FHIT: variants seen among roughly 807,000 people sequenced by gnomAD.
FHIT encodes the protein bis(5'-adenosyl)-triphosphatase.
FHIT carries 19 observed loss-of-function variants against 17.9 expected under a neutral mutation model. The ratio of observed to expected loss-of-function variants is 1.06; its 90% CI spans 0.74 to 1.56. The LOEUF (loss-of-function observed/expected upper bound fraction) is 1.56, where lower values mean the gene tolerates loss of function less well. Among genes scored for constraint, FHIT ranks in the 40% most tolerant of loss-of-function variants. The probability of loss-of-function intolerance (pLI) is 0.00; values close to 1 mark genes in which losing one functional copy is unlikely to be tolerated. For synonymous variants in FHIT, 81 were observed against 69.7 expected (o/e 1.16, Z -0.81); for missense variants, 248 against 189.2 (o/e 1.31, Z -1.82).
At chr3:61,217,196 G>T (rs966651913) in intron 1 of FHIT, among the ~76,000 whole-genome samples, 5 of 152,042 alleles carry the variant, frequency 3.3e-5, no homozygotes, top group African/African-American at 1.2e-4. Context: ...TATCTCTCAC[G>T]GTTTCTACGG....
At chr3:60,536,780 A>G in intron 5 of FHIT, 80 bp downstream of exon 5, 2 of 1,449,736 alleles carry the variant, frequency 1.4e-6, no homozygotes, top group Non-Finnish European at 1.8e-6. Context: ...CTGGAGGCCA[A>G]TCTTGTATTT....
chr3:60,684,987 C>G lies in FHIT; in HGVS notation c.-18+136932G>C, dbSNP rs551664604. Among the ~76,000 whole-genome samples, 4 of 152,236 alleles carry G rather than the reference C, an allele frequency of 2.6e-5. No homozygotes were observed. In the South Asian group the frequency reaches 8.3e-4, roughly 32 times the overall value. ...AGAAACAGGAGATAACTTGTCCTCC[C>G]TACGCCAGAGGGAAAGTAGCGTTCT... is the stretch of plus-strand genomic sequence containing the variant. On this transcript the variant is annotated intron_variant, in intron 4 of 9. Coordinates refer to ENST00000492590, the MANE Select transcript of FHIT (RefSeq NM_002012.4).
At chr3:60,495,776 T>C (rs2034277506) in intron 5 of FHIT, among the ~76,000 whole-genome samples, 1 of 152,104 alleles carries the variant, frequency 6.6e-6, no homozygotes, top group Non-Finnish European at 1.5e-5. Flanking sequence ...CAAAATGTGA[T>C]TAAAAGAAAG....
intron 5 of FHIT, among the ~76,000 whole-genome samples, chr3:60,157,847 T>C (rs1016385313): frequency 6.6e-6 from 1 of 152,032 alleles, no homozygotes; most frequent in African/African-American, 2.4e-5. Context: ...CACAATGTTA[T>C]GGGTGACCCC....
intron 7 of FHIT, among the ~76,000 whole-genome samples, chr3:59,956,127 T>C (rs1707381746): frequency 1.3e-5 from 2 of 152,324 alleles, no homozygotes; most frequent in South Asian, 2.1e-4. Flanking sequence ...TCATGCTTTT[T>C]GTAGAGCCAG....
At chr3:60,732,579 C>T (rs1577133044) in intron 4 of FHIT, 2 of 593,404 alleles carry the variant, frequency 3.4e-6, no homozygotes, top group South Asian at 2.9e-5. Context: ...TCGAAGGAGA[C>T]GCGGCCCAAG....
intron 9 of FHIT, chr3:59,751,655 A>G (rs1250866132): frequency 4.4e-6 from 1 of 227,204 alleles, no homozygotes; most frequent in Non-Finnish European, 8.7e-6. Flanking sequence ...GATTAATTCT[A>G]TCAAGCCTTG....
At chr3:60,138,631 G>C (rs1456186835) in intron 5 of FHIT, among the ~76,000 whole-genome samples, 2 of 152,048 alleles carry the variant, frequency 1.3e-5, no homozygotes, top group Non-Finnish European at 2.9e-5. Flanking sequence ...CCAAGTTTTG[G>C]ATAGAGACTG....
At chr3:60,628,981 A>G (rs2107768409) in intron 4 of FHIT, among the ~76,000 whole-genome samples, 1 of 151,562 alleles carries the variant, frequency 6.6e-6, no homozygotes, top group East Asian at 1.9e-4. Flanking sequence ...GAATCTGCCT[A>G]TGAGTAAGCT....
chr3:60,336,541 A>T (rs1316175439), intron 5 of FHIT, among the ~76,000 whole-genome samples: 1 of 152,192 alleles, frequency 6.6e-6, no homozygotes, highest in Non-Finnish European at 1.5e-5. Flanking sequence ...TGTGCTCAAG[A>T]ATCACCTCAG....
intron 8 of FHIT, among the ~76,000 whole-genome samples, chr3:59,835,075 C>T (rs1701293157): frequency 6.6e-6 from 1 of 152,138 alleles, no homozygotes. Flanking sequence ...ATAACCCAAT[C>T]TTCTGTCTTT....
intron 4 of FHIT, among the ~76,000 whole-genome samples, chr3:60,741,984 C>G (rs528092484): frequency 1.3e-5 from 2 of 152,304 alleles, no homozygotes; most frequent in African/African-American, 4.8e-5. Flanking sequence ...ACTCAGGAAG[C>G]TTTACTTAAT....
rs56071877 is a variant in FHIT at position 60,667,021 on chromosome 3, A to ATTTTTTTT, written c.-17-130050_-17-130043dup. ...AGGTGTGCACCACCATGCCTGGTTA[A>ATTTTTTTT]TTTTTTTTTTTTTTTTTTTTTTTTT... On this transcript the variant is annotated intron_variant, in intron 4 of 9. Transcript: ENST00000492590. Among the ~76,000 whole-genome samples, 113 of 34,122 alleles carry ATTTTTTTT rather than the reference A, an allele frequency of 3.3e-3. 3 individuals are homozygous for ATTTTTTTT. Among genetic ancestry groups the ATTTTTTTT allele is most frequent in the African/African-American group, 0.011 (111 of 9,736 alleles). 22.4% of individuals were successfully genotyped at this position (34,122 alleles called of 152,430 possible).
chr3:59,874,771 G>A lies in FHIT; in HGVS notation c.348+47575C>T, dbSNP rs80182167. ...GGCACTAGGGATGCAGCAAGAACCA[G>A]ACAGACCTTGCCTCCTGCTGTTTTC... On this transcript the variant is annotated intron_variant, in intron 8 of 9. Transcript: ENST00000492590. 2.4e-4 allele frequency among the ~76,000 whole-genome samples: 37 copies of A among 152,146 alleles called. No individual in the cohort carries two copies. The East Asian group carries it at 7.2e-3, about 29-fold the overall frequency.
At chr3:60,441,233 C>A (rs1001859111) in intron 5 of FHIT, among the ~76,000 whole-genome samples, 1 of 152,074 alleles carries the variant, frequency 6.6e-6, no homozygotes, top group Non-Finnish European at 1.5e-5. Flanking sequence ...ATGAGCTATA[C>A]CTTTGCCCTC....
At chr3:61,092,561 A>T (rs1403181153) in intron 2 of FHIT, among the ~76,000 whole-genome samples, 1 of 152,116 alleles carries the variant, frequency 6.6e-6, no homozygotes, top group Non-Finnish European at 1.5e-5. Flanking sequence ...AAACTTCCGT[A>T]TTAGAATTTC....
chr3:59,984,366 G>A (rs1708794165), intron 7 of FHIT, among the ~76,000 whole-genome samples: 1 of 148,040 alleles, frequency 6.8e-6, no homozygotes, highest in Non-Finnish European at 1.5e-5. Flanking sequence ...GAATATTAGT[G>A]CTTCAAGCAA....
intron 3 of FHIT, among the ~76,000 whole-genome samples, chr3:61,001,119 T>G (rs919336399): frequency 1.3e-5 from 2 of 152,094 alleles, no homozygotes; most frequent in African/African-American, 4.8e-5. Flanking sequence ...TTGTTACATA[T>G]CTATCAGAAT....
chr3:60,769,254 A>G (rs1170341583), intron 4 of FHIT, among the ~76,000 whole-genome samples: 2 of 152,144 alleles, frequency 1.3e-5, no homozygotes, highest in Non-Finnish European at 2.9e-5. Flanking sequence ...GGACTATCCT[A>G]CAGGCTGCAG....
Sources: gnomAD v4.1 joint callset for allele counts (sites outside exome capture counted in the v4.1 genomes callset) on GRCh38, gnomAD v4.1.1 for gene constraint, MANE v1.5 for transcripts, NCBI Gene and HGNC (gene_info 2026-07-23, HGNC 2026-07-21) for gene names.